The following PPIP5K2 variants were observed in gnomAD, a reference collection of about 807,000 sequenced individuals.
The protein encoded by PPIP5K2 is diphosphoinositol pentakisphosphate kinase 2.
Under a neutral mutation model 154.6 loss-of-function variants are expected in PPIP5K2, and 105 were observed. That is an observed-to-expected ratio of 0.68 (90% confidence interval 0.58 to 0.80). The LOEUF (loss-of-function observed/expected upper bound fraction) is 0.80. Among genes scored for constraint, PPIP5K2 ranks in the 30% least tolerant of loss-of-function variants. The probability of loss-of-function intolerance (pLI) is 0.00; values close to 1 mark genes in which losing one functional copy is unlikely to be tolerated. For missense variants in PPIP5K2, 992 were observed against 1,504.6 expected, an observed-to-expected ratio of 0.66 and a Z score of 5.64; for synonymous variants, 480 against 490.3, an observed-to-expected ratio of 0.98 and a Z score of 0.28.
At chr5:103,146,934 T>A (rs559010020) in intron 6 of PPIP5K2, among the ~76,000 whole-genome samples, 20 of 152,074 alleles carry the variant, frequency 1.3e-4, no homozygotes, top group South Asian at 2.1e-4. Context: ...TCCCATTTTG[T>A]ACATCTGTCA....
At chr5:103,132,787 A>G (rs368560868) in intron 2 of PPIP5K2, among the ~76,000 whole-genome samples, 1 of 152,326 alleles carries the variant, frequency 6.6e-6, no homozygotes, top group African/African-American at 2.4e-5. Context: ...TTATAAATCT[A>G]GGAGCTACTC....
chr5:103,138,288 A>G (rs2149491583), intron 4 of PPIP5K2, 96 bp from the exon 5 acceptor site: 3 of 623,562 alleles, frequency 4.8e-6, no homozygotes, highest in Non-Finnish European at 7.6e-6. Context: ...CTTTTTAGTT[A>G]TAGAACAACA....
chr5:103,202,726 C>G lies in PPIP5K2; in HGVS notation c.*1092C>G, dbSNP rs891703698. On this transcript the variant is annotated 3_prime_UTR_variant, in exon 31 of 31. Coordinates refer to ENST00000358359, the MANE Select transcript of PPIP5K2 (RefSeq NM_001276277.3). The stretch of plus-strand genomic sequence containing the variant: ...TTATTATCCTTGGTGCTTTCCCCCC[C>G]ACCAATGCACAAATAATTGTGAACA... The G allele has an allele frequency of 3.2e-4, 48 of 152,092 alleles. No individual in the cohort carries two copies. Among genetic ancestry groups the G allele is most frequent in the African/African-American group, 1.1e-3 (46 of 41,424 alleles). The allele number at this position is 152,092 out of a possible 1,614,324, so 9.4% of individuals were successfully genotyped here. A position where few individuals can be genotyped will look rare whatever the true frequency, so the allele number is the denominator to read the frequency against.
rs1795156703 is a variant in PPIP5K2 at position 103,154,847 on chromosome 5, T to C, written c.1307T>C (p.Ile436Thr). ...TTTATTTTATAGGAAGTGCTAGATA[T>C]TGCACGACAGCTTCTTATGGAGCTA... Reference protein sequence around the residue: ...KPKQLQEVLDIARQLLMELGQ... With the variant: ...KPKQLQEVLDTARQLLMELGQ... Residue 436 changes from isoleucine (I) to threonine (T), a missense_variant, in exon 13 of 31, where the codon ATT (isoleucine) becomes ACT (threonine). Ile to Thr is a moderately conservative substitution (Grantham distance 89, BLOSUM62 -1). Coordinates refer to ENST00000358359, the MANE Select transcript of PPIP5K2 (RefSeq NM_001276277.3). 2 of 1,593,844 alleles carry C rather than the reference T, an allele frequency of 1.3e-6. No individual in the cohort carries two copies. Among genetic ancestry groups the C allele is most frequent in the Non-Finnish European group, 8.5e-7 (1 of 1,173,226 alleles).
At chr5:103,152,602 G>A in intron 9 of PPIP5K2, 46 bp from the exon 10 acceptor site, 1 of 1,244,852 alleles carries the variant, frequency 8.0e-7, no homozygotes, top group Non-Finnish European at 1.2e-6. Context: ...ACCCAGTTTT[G>A]TCTTAAAACG....
chr5:103,151,359 GT>G lies in PPIP5K2; in HGVS notation c.1014del (p.Cys338TrpfsTer9), dbSNP rs781985924. The G allele has an allele frequency of 1.9e-6, 3 of 1,603,800 alleles. No individual in the cohort carries two copies. The highest frequency in any genetic ancestry group is 2.6e-6 in the Non-Finnish European group (3 of 1,174,238). On this transcript the variant is annotated frameshift_variant, in exon 9 of 31. Coordinates refer to ENST00000358359, the MANE Select transcript of PPIP5K2 (RefSeq NM_001276277.3). LOFTEE classifies it high-confidence loss of function. ...VKNSMKYYDD[C>X]AKILGNIVMR... is the part of the protein sequence containing the mutation. ...AATTCCATGAAGTATTATGATGACT[GT>G]GCAAAAATACTTGGGTAAGAATTTT... is the stretch of plus-strand genomic sequence containing the variant.
At chr5:103,148,216 G>C (rs72768656) in intron 7 of PPIP5K2, 184 bp downstream of exon 7, 332 of 648,850 alleles carry the variant, frequency 5.1e-4, no homozygotes, top group Non-Finnish European at 3.6e-4. Flanking sequence ...TCTTTTTTAA[G>C]AGTAGTGTTT....
rs1418067484 is a variant in PPIP5K2, at chr5:103,206,458, T to C, written c.*4824T>C. On this transcript the variant is annotated 3_prime_UTR_variant, in exon 31 of 31. Transcript: ENST00000358359. The stretch of plus-strand genomic sequence containing the variant: ...GATCATCTACTCACCCCTAGATAAA[T>C]AGAATACTCCAGGAGATTCCCATGA... The C allele has an allele frequency of 1.3e-5, 2 of 152,154 alleles. No homozygotes were observed. The highest frequency in any genetic ancestry group is 2.9e-5 in the Non-Finnish European group (2 of 68,030). The allele number at this position is 152,154 out of a possible 1,614,324, so 9.4% of individuals were successfully genotyped here.
intron 1 of PPIP5K2, among the ~76,000 whole-genome samples, chr5:103,123,077 C>G (rs1358473274): frequency 1.3e-5 from 2 of 152,190 alleles, no homozygotes; most frequent in Non-Finnish European, 2.9e-5. Flanking sequence ...TAGATACATT[C>G]TAAATTGAGT....
intron 30 of PPIP5K2, among the ~76,000 whole-genome samples, chr5:103,196,076 G>T (rs1802049195): frequency 6.6e-6 from 1 of 152,094 alleles, no homozygotes; most frequent in Admixed American, 6.5e-5. Flanking sequence ...TTACTAAATG[G>T]TAACTGCTAT....
chr5:103,191,821 G>C (rs937802620), intron 29 of PPIP5K2, among the ~76,000 whole-genome samples: 5 of 152,008 alleles, frequency 3.3e-5, no homozygotes, highest in Non-Finnish European at 7.4e-5. Context: ...TTAGTTTTGG[G>C]AGAGAGTGCT....
Position 103,201,547 on chromosome 5 carries a change from T to A in PPIP5K2, c.3645T>A (p.Val1215=), listed in dbSNP as rs75479230. 1.1e-3 allele frequency: 1,720 copies of A among 1,607,310 alleles called. 18 individuals are homozygous for A. In the African/African-American group the frequency reaches 0.02, roughly 19 times the overall value. ...KPATSGPSSA[V]VPNTSSRKKN... is the part of the protein sequence containing the mutation. ...CTACAAGTGGACCTTCTAGTGCAGT[T>A]GTTCCTAATACCTCATCTCGGAAAA... Residue 1215 remains valine (V), a synonymous_variant, in exon 31 of 31, where the codon GTT becomes GTA. Transcript: ENST00000358359.
rs782652253 is a variant in PPIP5K2, at chr5:103,201,516, A to G, written c.3620-6A>G. 15 of 1,501,480 alleles carry G rather than the reference A, an allele frequency of 1.0e-5. No homozygotes were observed. Among genetic ancestry groups the G allele is most frequent in the Non-Finnish European group, 1.3e-5 (14 of 1,118,418 alleles). 93.0% of individuals were successfully genotyped at this position (1,501,480 alleles called of 1,614,324 possible). A position where few individuals can be genotyped will look rare whatever the true frequency, so the allele number is the denominator to read the frequency against. On this transcript the variant is annotated splice_polypyrimidine_tract_variant and splice_region_variant and intron_variant, in intron 30 of 30. Coordinates refer to ENST00000358359, the MANE Select transcript of PPIP5K2 (RefSeq NM_001276277.3). ...AGTTTTTTTTTTTTGTTTTTGTTTTATGTAGCTACAAGTGGACCTTCTAGT... is the reference window on the plus strand; with the variant it reads ...AGTTTTTTTTTTTTGTTTTTGTTTTGTGTAGCTACAAGTGGACCTTCTAGT...
At chr5:103,146,455 C>T (rs1160592706) in intron 5 of PPIP5K2, 72 bp from the exon 6 acceptor site, 25 of 1,437,746 alleles carry the variant, frequency 1.7e-5, no homozygotes, top group Admixed American at 4.7e-5. Context: ...AAAAAGTCCT[C>T]GATAATAATG....
chr5:103,128,148 A>G lies in PPIP5K2; in HGVS notation c.-284-1158A>G, dbSNP rs950632680. On this transcript the variant is annotated intron_variant, in intron 1 of 30. Coordinates refer to ENST00000358359, the MANE Select transcript of PPIP5K2 (RefSeq NM_001276277.3). Reference sequence around the variant, plus strand: ...GTCTACTGGGGAGTCACCAAGTTATACTGGAATTAGATCTTTAGGAATAGA... The same window carrying G: ...GTCTACTGGGGAGTCACCAAGTTATGCTGGAATTAGATCTTTAGGAATAGA... 2.0e-5 allele frequency among the ~76,000 whole-genome samples: 3 copies of G among 152,244 alleles called. No individual in the cohort carries two copies. In the East Asian group the frequency reaches 5.8e-4, roughly 29 times the overall value.
Position 103,183,814 on chromosome 5 carries a change from T to A in PPIP5K2, c.3096+407T>A, listed in dbSNP as rs1218458680. On this transcript the variant is annotated intron_variant, in intron 25 of 30. Coordinates refer to ENST00000358359, the MANE Select transcript of PPIP5K2 (RefSeq NM_001276277.3). ...TCTTCCATAATTGAAAAAATTAGAT[T>A]CAATTTGGAATTTGCTGAGAAGGTA... Among the ~76,000 whole-genome samples the A allele has an allele frequency of 2.0e-5, 3 of 152,204 alleles. No individual in the cohort carries two copies. In the East Asian group the frequency reaches 5.8e-4, roughly 29 times the overall value.
intron 30 of PPIP5K2, among the ~76,000 whole-genome samples, chr5:103,197,841 G>A (rs910469357): frequency 1.3e-5 from 2 of 151,474 alleles, no homozygotes; most frequent in Admixed American, 1.3e-4. Context: ...ACCTCCCAAA[G>A]TCCTGGGATT....
chr5:103,182,299 T>C (rs1445486042), intron 24 of PPIP5K2, among the ~76,000 whole-genome samples: 1 of 152,184 alleles, frequency 6.6e-6, no homozygotes. Flanking sequence ...ATAAAACCTC[T>C]AACAAAATCA....
At chr5:103,128,143 G>A (rs919066074) in intron 1 of PPIP5K2, among the ~76,000 whole-genome samples, 1 of 152,022 alleles carries the variant, frequency 6.6e-6, no homozygotes, top group African/African-American at 2.4e-5. Context: ...GAGTCACCAA[G>A]TTATACTGGA....
Sources: gnomAD v4.1 joint callset for allele counts (sites outside exome capture counted in the v4.1 genomes callset) on GRCh38, gnomAD v4.1.1 for gene constraint, MANE v1.5 for transcripts, NCBI Gene and HGNC (gene_info 2026-07-23, HGNC 2026-07-21) for gene names.